Variants in CNMD observed in about 807,000 individuals in gnomAD.
CNMD encodes the protein leukocyte cell-derived chemotaxin 1.
CNMD carries 30 observed loss-of-function variants against 37.5 expected under a neutral mutation model. The ratio of observed to expected loss-of-function variants is 0.80; its 90% confidence interval spans 0.60 to 1.09. The LOEUF (loss-of-function observed/expected upper bound fraction) is 1.09. CNMD is among the 50% of genes least tolerant of loss of function. The pLI, the probability that CNMD is intolerant of heterozygous loss-of-function variation, is 0.00. For synonymous variants in CNMD, 167 were observed against 148.2 expected (o/e 1.13, Z -0.92); for missense variants, 398 against 423.9 (o/e 0.94, Z 0.54).
chr13:52,729,962 C>A (rs1355922691), intron 3 of CNMD, among the ~76,000 whole-genome samples: 1 of 151,240 alleles, frequency 6.6e-6, no homozygotes, highest in Non-Finnish European at 1.5e-5. Context: ...TATATCTCCT[C>A]ATGCTATCCC....
At position 52,732,542 on chromosome 13, in the gene CNMD, C is replaced by T. The variant is rs935404387; in HGVS notation, c.354+677G>A. Among the ~76,000 whole-genome samples, 9 of 152,120 alleles carry T rather than the reference C, an allele frequency of 5.9e-5. No homozygotes were observed. The East Asian group carries it at 1.7e-3, about 29-fold the overall frequency. Reference sequence around the variant, plus strand: ...ATATGCTATGGTAACATGCTATGGTCAGAAAACATATGCTATAATAGGAGA... The same window carrying T: ...ATATGCTATGGTAACATGCTATGGTTAGAAAACATATGCTATAATAGGAGA... On this transcript the variant is annotated intron_variant, in intron 3 of 6. Coordinates refer to ENST00000377962, the MANE Select transcript of CNMD (RefSeq NM_007015.3).
chr13:52,724,688 G>A (rs1213050101), intron 3 of CNMD, among the ~76,000 whole-genome samples: 4 of 151,966 alleles, frequency 2.6e-5, no homozygotes, highest in Admixed American at 1.3e-4. Context: ...CCTGAGGTCG[G>A]GAGTTTGAGA....
intron 6 of CNMD, among the ~76,000 whole-genome samples, chr13:52,705,342 A>G (rs890279711): frequency 1.3e-5 from 2 of 152,220 alleles, no homozygotes; most frequent in Non-Finnish European, 1.5e-5. Flanking sequence ...TCCTAAATTT[A>G]CAACCAGATT....
Position 52,739,683 on chromosome 13 carries a change from T to C in CNMD, c.19A>G (p.Lys7Glu). Residue 7 changes from lysine to glutamate, a missense_variant, in exon 1 of 7, where the codon AAA (lysine) becomes GAA (glutamate). Physicochemically the swap from Lys to Glu is moderately conservative, Grantham distance 56 (BLOSUM62 1). Transcript: ENST00000377962. The surrounding 1 kb of genome is among the most constrained non-coding windows in gnomAD (Gnocchi z 5.4). MTENSDKVPIALVGPDD... is the reference protein window; with the variant it reads MTENSDEVPIALVGPDD... The stretch of plus-strand genomic sequence containing the variant: ...GGTCCCACCAGGGCAATGGGAACTT[T>C]GTCGGAGTTCTCTGTCATGTTTGCG... 1 of 1,614,140 alleles carries C rather than the reference T, an allele frequency of 6.2e-7. No homozygotes were observed. The highest frequency in any genetic ancestry group is 8.5e-7 in the Non-Finnish European group (1 of 1,179,986).
Position 52,703,512 on chromosome 13 carries a change from A to G in CNMD, c.*83T>C. ...GAGTGTAAAAATATTTTGTGGTCCTATCAGCATCAACCTGCCTTAATGCTT... is the reference window on the plus strand; with the variant it reads ...GAGTGTAAAAATATTTTGTGGTCCTGTCAGCATCAACCTGCCTTAATGCTT... On this transcript the variant is annotated 3_prime_UTR_variant, in exon 7 of 7. Coordinates refer to ENST00000377962, the MANE Select transcript of CNMD (RefSeq NM_007015.3). 1 of 932,612 alleles carries G rather than the reference A, an allele frequency of 1.1e-6. No homozygotes were observed. The highest frequency in any genetic ancestry group is 1.5e-5 in the South Asian group (1 of 68,910). 57.8% of individuals were successfully genotyped at this position (932,612 alleles called of 1,614,324 possible).
chr13:52,725,362 A>C (rs1964554166), intron 3 of CNMD, among the ~76,000 whole-genome samples: 1 of 152,242 alleles, frequency 6.6e-6, no homozygotes, highest in Admixed American at 6.5e-5. Context: ...AGCCCAGAGT[A>C]AACAGTAAAA....
At chr13:52,713,856 A>G (rs73188575) in intron 4 of CNMD, among the ~76,000 whole-genome samples, 253 of 152,210 alleles carry the variant, frequency 1.7e-3, no homozygotes, top group Non-Finnish European at 3.2e-3. Context: ...ATGCATATAG[A>G]TGCATCCTCC....
intron 4 of CNMD, among the ~76,000 whole-genome samples, chr13:52,719,149 C>A (rs1446805620): frequency 6.6e-6 from 1 of 152,190 alleles, no homozygotes; most frequent in African/African-American, 2.4e-5. Flanking sequence ...AGGATTGCAA[C>A]CCCTGCTTTT....
At chr13:52,716,828 C>T (rs373492678) in intron 4 of CNMD, among the ~76,000 whole-genome samples, 7 of 152,188 alleles carry the variant, frequency 4.6e-5, no homozygotes, top group Non-Finnish European at 7.4e-5. Flanking sequence ...CTTGGTTATA[C>T]GGGCTCTTTT....
chr13:52,704,810 C>T (rs1420252052), intron 6 of CNMD, among the ~76,000 whole-genome samples: 1 of 152,090 alleles, frequency 6.6e-6, no homozygotes, highest in African/African-American at 2.4e-5. Flanking sequence ...GCCTGCAATC[C>T]CAGCACTTTG....
At chr13:52,731,914 G>A (rs1964677915) in intron 3 of CNMD, among the ~76,000 whole-genome samples, 1 of 152,210 alleles carries the variant, frequency 6.6e-6, no homozygotes, top group South Asian at 2.1e-4. Flanking sequence ...AATTATACTT[G>A]TGCATTGAGC....
chr13:52,703,616 G>C lies in CNMD; in HGVS notation c.984C>G (p.Ala328=). The C allele has an allele frequency of 1.4e-5, 23 of 1,612,230 alleles. No homozygotes were observed. The highest frequency in any genetic ancestry group is 2.0e-5 in the Non-Finnish European group (23 of 1,178,754). Residue 328 remains alanine (A), a synonymous_variant, in exon 7 of 7, where the codon GCC becomes GCG. Transcript: ENST00000377962. ...RVIMPCSWWV[A]RILGMV ...GATTTCACACCATGCCCAAGATACGGGCCACCCACCAGCTACATGGCATGA... is the reference window on the plus strand; with the variant it reads ...GATTTCACACCATGCCCAAGATACGCGCCACCCACCAGCTACATGGCATGA...
intron 4 of CNMD, among the ~76,000 whole-genome samples, chr13:52,718,649 G>A (rs1964429769): frequency 6.6e-6 from 1 of 152,166 alleles, no homozygotes; most frequent in African/African-American, 2.4e-5. Flanking sequence ...TAGTTTTGCA[G>A]TTTTGAGTGA....
intron 3 of CNMD, among the ~76,000 whole-genome samples, chr13:52,728,830 G>A (rs1158662060): frequency 2.0e-5 from 3 of 152,148 alleles, no homozygotes; most frequent in African/African-American, 7.2e-5. Context: ...AGTGAGAACT[G>A]AAACCCCCAT....
At chr13:52,736,394 G>T (rs544967312) in intron 2 of CNMD, among the ~76,000 whole-genome samples, 3 of 152,320 alleles carry the variant, frequency 2.0e-5, no homozygotes, top group Admixed American at 6.5e-5. Context: ...CTCCCAAAGT[G>T]CTGGGATTAC....
At chr13:52,714,862 T>G (rs1201782016) in intron 4 of CNMD, among the ~76,000 whole-genome samples, 1 of 152,166 alleles carries the variant, frequency 6.6e-6, no homozygotes, top group Non-Finnish European at 1.5e-5. Context: ...TATCTATACT[T>G]TTTTTCCCTA....
At chr13:52,728,883 G>A (rs532209769) in intron 3 of CNMD, among the ~76,000 whole-genome samples, 7 of 152,194 alleles carry the variant, frequency 4.6e-5, no homozygotes, top group East Asian at 1.9e-4. Context: ...ATTAACTACC[G>A]TGTCTAGCAA....
intron 2 of CNMD, among the ~76,000 whole-genome samples, chr13:52,734,502 C>A (rs987620498): frequency 6.6e-6 from 1 of 152,126 alleles, no homozygotes; most frequent in Non-Finnish European, 1.5e-5. Flanking sequence ...ATAACTCAGA[C>A]GCTGCTCCTG....
At chr13:52,715,280 C>T (rs1017646607) in intron 4 of CNMD, among the ~76,000 whole-genome samples, 1 of 152,052 alleles carries the variant, frequency 6.6e-6, no homozygotes, top group Non-Finnish European at 1.5e-5. Context: ...CATTACCATC[C>T]TCCCTTCCCC....
Sources: allele counts gnomAD v4.1 joint callset (sites outside exome capture counted in the v4.1 genomes callset), GRCh38; gene constraint gnomAD v4.1.1; non-coding constraint Gnocchi (gnomAD v3.1); transcripts MANE v1.5; gene names NCBI Gene and HGNC (gene_info 2026-07-23, HGNC 2026-07-21).